NLK: variants seen among roughly 807,000 people sequenced by gnomAD.
NLK encodes the protein serine/threonine-protein kinase NLK.
In NLK, 11 loss-of-function variants were observed where a neutral mutation model predicts 59.0. The observed-to-expected ratio is 0.19, with a 90% CI of 0.12 to 0.31. NLK has a LOEUF of 0.31. NLK is among the 10% of genes least tolerant of loss of function. The probability of loss-of-function intolerance (pLI) is 1.00; values close to 1 mark genes in which losing one functional copy is unlikely to be tolerated. For synonymous variants in NLK, 235 were observed against 235.9 expected (o/e 1.00, Z 0.03); for missense variants, 410 against 661.1 (o/e 0.62, Z 4.16).
chr17:28,201,165 C>T (rs1909619422), downstream of NLK, among the ~76,000 whole-genome samples: 1 of 152,152 alleles, frequency 6.6e-6, no homozygotes, highest in South Asian at 2.1e-4. Flanking sequence ...ACATCAGCCT[C>T]CACCTCCCAG....
chr17:28,107,128 T>G (rs1905203941), intron 1 of NLK, among the ~76,000 whole-genome samples: 1 of 152,072 alleles, frequency 6.6e-6, no homozygotes, highest in Admixed American at 6.6e-5. Context: ...GTACGTAATA[T>G]ATATATCATA....
intron 7 of NLK, among the ~76,000 whole-genome samples, chr17:28,176,963 C>T (rs757943378): frequency 6.6e-5 from 10 of 151,942 alleles, no homozygotes; most frequent in South Asian, 4.1e-4. Context: ...ATGTATAAGT[C>T]GATTAACACA....
chr17:28,199,684 ACAAAACAAAAC>A (rs1909577505), downstream of NLK, among the ~76,000 whole-genome samples: 2 of 15,550 alleles, frequency 1.3e-4, no homozygotes, highest in African/African-American at 2.3e-4. Context: ...AAAAAAAAAA[ACAAAACAAAAC>A]AAAAAAAAAA....
intron 1 of NLK, among the ~76,000 whole-genome samples, chr17:28,059,864 C>G (rs963100365): frequency 2.0e-5 from 3 of 151,972 alleles, no homozygotes; most frequent in Non-Finnish European, 4.4e-5. Flanking sequence ...CTAGCACGCC[C>G]TTATATGGTA....
At chr17:28,186,364 G>A (rs1057462112) in intron 8 of NLK, among the ~76,000 whole-genome samples, 7 of 152,132 alleles carry the variant, frequency 4.6e-5, no homozygotes, top group African/African-American at 1.7e-4. Flanking sequence ...ACCAATTAGG[G>A]TGACCCAAAT....
intron 1 of NLK, among the ~76,000 whole-genome samples, chr17:28,086,715 G>C (rs1007191749): frequency 6.6e-5 from 10 of 151,698 alleles, no homozygotes; most frequent in Non-Finnish European, 1.5e-4. Context: ...AAGTGACTCT[G>C]TGATGAGTCA....
At chr17:28,111,573 TTAGATAA>T (rs1905480278) in intron 1 of NLK, among the ~76,000 whole-genome samples, 1 of 152,152 alleles carries the variant, frequency 6.6e-6, no homozygotes, top group African/African-American at 2.4e-5. Context: ...ACTGGACGTA[TTAGATAA>T]TACAGTGTAA....
intron 7 of NLK, among the ~76,000 whole-genome samples, chr17:28,173,643 C>G (rs1031314326): frequency 5.9e-5 from 9 of 152,174 alleles, no homozygotes; most frequent in African/African-American, 2.2e-4. Context: ...GTTTCTGTTG[C>G]ATTTGGTTTA....
At chr17:28,052,373 C>A (rs941717639) in intron 1 of NLK, among the ~76,000 whole-genome samples, 1 of 152,166 alleles carries the variant, frequency 6.6e-6, no homozygotes, top group Non-Finnish European at 1.5e-5. Flanking sequence ...AAACAAATTT[C>A]TTTCCAGGAG....
chr17:28,098,675 CTTTTTTTTT>C (rs781294029), intron 1 of NLK, among the ~76,000 whole-genome samples: 1 of 67,566 alleles, frequency 1.5e-5, no homozygotes, highest in African/African-American at 6.2e-5. Context: ...CATTACCATT[CTTTTTTTTT>C]TTTTTTTTTT....
chr17:28,066,709 A>G (rs1340819758), intron 1 of NLK, among the ~76,000 whole-genome samples: 2 of 152,224 alleles, frequency 1.3e-5, no homozygotes, highest in African/African-American at 2.4e-5. Flanking sequence ...AGCAATCGCA[A>G]TTTGCATTCC....
intron 2 of NLK, among the ~76,000 whole-genome samples, chr17:28,130,481 C>T (rs1906471070): frequency 6.6e-6 from 1 of 152,140 alleles, no homozygotes; most frequent in Non-Finnish European, 1.5e-5. Context: ...ACAATCACAG[C>T]TAAATGCTGT....
intron 3 of NLK, among the ~76,000 whole-genome samples, chr17:28,149,032 C>T (rs1228849188): frequency 6.6e-6 from 1 of 152,088 alleles, no homozygotes; most frequent in African/African-American, 2.4e-5. Context: ...CAATAAATGT[C>T]CATTTTATTT....
intron 3 of NLK, among the ~76,000 whole-genome samples, chr17:28,147,467 C>T (rs765550263): frequency 2.4e-4 from 37 of 152,088 alleles, no homozygotes; most frequent in Non-Finnish European, 4.9e-4. Context: ...GATGCAGCAT[C>T]GTATAGGTGG....
intron 2 of NLK, among the ~76,000 whole-genome samples, chr17:28,128,757 A>G (rs1314528765): frequency 6.6e-6 from 1 of 152,250 alleles, no homozygotes; most frequent in South Asian, 2.1e-4. Context: ...TTTGTACTAA[A>G]GCTAAATATA....
downstream of NLK, among the ~76,000 whole-genome samples, chr17:28,201,336 G>T (rs576810179): frequency 9.9e-4 from 149 of 150,596 alleles, 1 homozygote; most frequent in African/African-American, 3.5e-3. Flanking sequence ...TCCAGCCTCA[G>T]CCTCCCAGAG....
At chr17:28,192,307 C>T in intron 10 of NLK, 94 bp downstream of exon 10, 2 of 706,476 alleles carry the variant, frequency 2.8e-6, no homozygotes, top group South Asian at 1.8e-5. Context: ...ATTTAGATAA[C>T]ATAGATAAAA....
chr17:28,112,873 ATGTT>A (rs1192091621), intron 1 of NLK, among the ~76,000 whole-genome samples: 1 of 152,098 alleles, frequency 6.6e-6, no homozygotes, highest in African/African-American at 2.4e-5. Context: ...GATGAAGGAA[ATGTT>A]TGTTTTTTTT....
chr17:28,142,765 T>C (rs1907062180), intron 3 of NLK, among the ~76,000 whole-genome samples: 1 of 152,158 alleles, frequency 6.6e-6, no homozygotes, highest in Admixed American at 6.5e-5. Flanking sequence ...GTCTCACACA[T>C]TTATGGCTGT....
Sources: gnomAD v4.1 joint callset for allele counts (sites outside exome capture counted in the v4.1 genomes callset) on GRCh38, gnomAD v4.1.1 for gene constraint, MANE v1.5 for transcripts, NCBI Gene and HGNC (gene_info 2026-07-23, HGNC 2026-07-21) for gene names.